GSE1: variants seen among roughly 807,000 people sequenced by gnomAD.
GSE1 encodes genetic suppressor element 1.
Under a neutral mutation model 112.6 loss-of-function variants are expected in GSE1, and 32 were observed. The observed-to-expected ratio is 0.28, with a 90% CI of 0.21 to 0.38. The LOEUF is 0.38. GSE1 is among the 10% of genes least tolerant of loss of function. The pLI is 1.00. For missense variants in GSE1, 2,348 were observed against 1,699.2 expected (o/e 1.38, Z -6.71); for synonymous variants, 1,115 against 735.6 (o/e 1.52, Z -8.35).
chr16:85,376,429 G>T (rs1016360128), intron 2 of GSE1, among the ~76,000 whole-genome samples: 3 of 152,214 alleles, frequency 2.0e-5, no homozygotes, highest in Non-Finnish European at 4.4e-5. Context: ...GGTGAGTTCG[G>T]TGGCTGCGCG....
At chr16:85,439,216 AAAAAGCC>A (rs2049319268) in intron 2 of GSE1, among the ~76,000 whole-genome samples, 1 of 152,214 alleles carries the variant, frequency 6.6e-6, no homozygotes, top group Admixed American at 6.5e-5. Context: ...TGGCTGAGGC[AAAAAGCC>A]ACTGAGGTGG....
chr16:85,337,413 C>T (rs958784548), intron 1 of GSE1, among the ~76,000 whole-genome samples: 11 of 151,106 alleles, frequency 7.3e-5, no homozygotes, highest in Admixed American at 6.6e-4. Context: ...TCACGCCATT[C>T]TCCTGCCTCA....
chr16:85,269,516 T>C (rs1170752957), intron 1 of GSE1, among the ~76,000 whole-genome samples: 1 of 149,488 alleles, frequency 6.7e-6, no homozygotes, highest in African/African-American at 2.4e-5. Flanking sequence ...CACTCTTTCC[T>C]GTTAGGGAAA....
intron 1 of GSE1, among the ~76,000 whole-genome samples, chr16:85,230,308 G>C (rs1567625156): frequency 6.6e-6 from 1 of 152,178 alleles, no homozygotes; most frequent in South Asian, 2.1e-4. Context: ...TTTATCTTTT[G>C]TGTGTCCTCT....
At chr16:85,558,914 G>A (rs1217305517) in intron 1 of GSE1, among the ~76,000 whole-genome samples, 1 of 152,146 alleles carries the variant, frequency 6.6e-6, no homozygotes, top group Non-Finnish European at 1.5e-5. Context: ...CTGGAGTGCA[G>A]TGGTGTGATC....
chr16:85,322,655 G>A (rs534537557), intron 1 of GSE1, among the ~76,000 whole-genome samples: 3 of 141,482 alleles, frequency 2.1e-5, no homozygotes, highest in Non-Finnish European at 3.0e-5. Context: ...TTGCTCTGTC[G>A]CCCAGTCTCC....
intron 2 of GSE1, among the ~76,000 whole-genome samples, chr16:85,423,444 G>A (rs2048897914): frequency 6.6e-6 from 1 of 152,248 alleles, no homozygotes; most frequent in African/African-American, 2.4e-5. Flanking sequence ...CCCAGCTGCT[G>A]TTCCCATCCA....
chr16:85,666,028 TGCTTCCTTGTCTGACATCCCAAAGGCC>T lies in GSE1; in HGVS notation c.2814_2840del (p.Ser939_Ala947del), dbSNP rs756225875. 6.2e-7 allele frequency: 1 copy of T among 1,613,718 alleles called. No homozygotes were observed. Among genetic ancestry groups the T allele is most frequent in the Non-Finnish European group, 8.5e-7 (1 of 1,179,986 alleles). On this transcript the variant is annotated inframe_deletion, in exon 13 of 16. Transcript: ENST00000253458. ...ATGTGGAGAAGCCGGTTGGTGTTGC[TGCTTCCTTGTCTGACATCCCAAAGGCC>T]GCGGAGCCTGGGAAGCTGGAACAGG...
At chr16:85,513,021 C>A (rs754678929) in intron 2 of GSE1, among the ~76,000 whole-genome samples, 3 of 152,178 alleles carry the variant, frequency 2.0e-5, no homozygotes, top group Non-Finnish European at 4.4e-5. Flanking sequence ...CAGTCCTGTA[C>A]GCTTGCCGCT....
intron 1 of GSE1, among the ~76,000 whole-genome samples, chr16:85,186,692 A>C (rs1260084637): frequency 6.6e-6 from 1 of 151,368 alleles, no homozygotes; most frequent in Non-Finnish European, 1.5e-5. Context: ...CTGAGCTCAG[A>C]AGTTTGAGGC....
rs187503974 is a variant in GSE1 at position 85,500,983 on chromosome 16, A to T, written c.2465-132931A>T. Among the ~76,000 whole-genome samples, 609 of 139,282 alleles carry T rather than the reference A, an allele frequency of 4.4e-3. 4 individuals carry two copies. The highest frequency in any genetic ancestry group is 0.027 in the Middle Eastern group (7 of 258). The allele number at this position is 139,282 out of a possible 152,430, so 91.4% of individuals were successfully genotyped here. ...TGGGATTAAAGGCCCACCCTACTCC[A>T]GTATGGCCTGTTCTGTTTTTTTTTT... On this transcript the variant is annotated intron_variant, in intron 2 of 2. Coordinates refer to the GSE1 transcript ENST00000637419.
At chr16:85,268,615 G>C (rs1380155682) in intron 1 of GSE1, among the ~76,000 whole-genome samples, 4 of 152,226 alleles carry the variant, frequency 2.6e-5, no homozygotes, top group Non-Finnish European at 5.9e-5. Flanking sequence ...TGAGGCCTGT[G>C]AGGCTGGCCT....
chr16:85,640,092 A>T (rs1244726081), intron 2 of GSE1, among the ~76,000 whole-genome samples: 2 of 152,194 alleles, frequency 1.3e-5, no homozygotes, highest in African/African-American at 4.8e-5. Context: ...AGTTCTGAGC[A>T]GGTGCTCCTG....
At chr16:85,442,441 GATGA>G (rs57785914) in intron 2 of GSE1, among the ~76,000 whole-genome samples, 64 of 150,472 alleles carry the variant, frequency 4.3e-4, no homozygotes, top group Admixed American at 1.5e-3. Context: ...TGAATGAATG[GATGA>G]ATGAATGAAT....
chr16:85,674,034 G>C lies in GSE1; in HGVS notation c.*1495G>C, dbSNP rs1238769707. ...AAGCAACGGGCGAGTCTTCCTCCTTGTCCTAGTTACTGCCTATGGAGGCAG... is the reference window on the plus strand; with the variant it reads ...AAGCAACGGGCGAGTCTTCCTCCTTCTCCTAGTTACTGCCTATGGAGGCAG... On this transcript the variant is annotated 3_prime_UTR_variant, in exon 16 of 16. Transcript: ENST00000253458. 6.6e-6 allele frequency: 1 copy of C among 152,226 alleles called. No homozygotes were observed. Among genetic ancestry groups the C allele is most frequent in the African/African-American group, 2.4e-5 (1 of 41,432 alleles). The allele number at this position is 152,226 out of a possible 1,614,324, so 9.4% of individuals were successfully genotyped here.
chr16:85,530,403 G>A (rs958141724), intron 2 of GSE1, among the ~76,000 whole-genome samples: 1 of 152,180 alleles, frequency 6.6e-6, no homozygotes, highest in Non-Finnish European at 1.5e-5. Context: ...TTGGGATATA[G>A]GATACTTTGG....
At chr16:85,239,364 G>A (rs1360513304) in intron 1 of GSE1, among the ~76,000 whole-genome samples, 1 of 152,246 alleles carries the variant, frequency 6.6e-6, no homozygotes, top group Non-Finnish European at 1.5e-5. Context: ...CACCAGGTGT[G>A]AGGCAGGGCA....
At chr16:85,219,772 C>T (rs532678539) in intron 1 of GSE1, among the ~76,000 whole-genome samples, 2 of 152,340 alleles carry the variant, frequency 1.3e-5, no homozygotes, top group East Asian at 1.9e-4. Flanking sequence ...AGCCACAGCC[C>T]CATGACTATG....
chr16:85,332,611 C>T (rs913162174), intron 1 of GSE1, among the ~76,000 whole-genome samples: 4 of 152,186 alleles, frequency 2.6e-5, no homozygotes, highest in Admixed American at 6.5e-5. Flanking sequence ...GGCCGCACTG[C>T]TCTCTGCGGA....
Sources: allele counts gnomAD v4.1 joint callset (sites outside exome capture counted in the v4.1 genomes callset), GRCh38; gene constraint gnomAD v4.1.1; transcripts MANE v1.5; gene names NCBI Gene and HGNC (gene_info 2026-07-23, HGNC 2026-07-21).